The following TIMM17A variants were observed in gnomAD, a reference collection of about 807,000 sequenced individuals.
TIMM17A encodes mitochondrial import inner membrane translocase subunit Tim17-A.
TIMM17A carries 15 observed loss-of-function variants against 26.5 expected under a neutral mutation model. The ratio of observed to expected loss-of-function variants is 0.57; its 90% CI spans 0.38 to 0.87. TIMM17A has a LOEUF of 0.87. Ranked by LOEUF, TIMM17A falls within the 40% of genes least tolerant of loss-of-function variation. The pLI is 0.00. For synonymous variants in TIMM17A, 80 were observed against 70.8 expected (o/e 1.13, Z -0.66); for missense variants, 201 against 210.0 (o/e 0.96, Z 0.27).
intron 5 of TIMM17A, among the ~76,000 whole-genome samples, chr1:201,967,091 T>G (rs1473795863): frequency 6.7e-6 from 1 of 149,988 alleles, no homozygotes; most frequent in African/African-American, 2.5e-5. Context: ...CGTAGAATAG[T>G]GAGACATGTT....
intron 1 of TIMM17A, among the ~76,000 whole-genome samples, chr1:201,956,813 G>A (rs561839060): frequency 1.7e-4 from 26 of 151,970 alleles, no homozygotes; most frequent in East Asian, 1.2e-3. Flanking sequence ...AATATTAGCC[G>A]GGCGTGGTGG....
At position 201,969,967 on chromosome 1, in the gene TIMM17A, G is replaced by C. The variant is rs1022452020; in HGVS notation, c.*413G>C. ...TCTTTTAAGATAAGTTGTAGACTTCGATGTTTCATGCTCATGTACTTCAAA... is the reference window on the plus strand; with the variant it reads ...TCTTTTAAGATAAGTTGTAGACTTCCATGTTTCATGCTCATGTACTTCAAA... On this transcript the variant is annotated 3_prime_UTR_variant, in exon 6 of 6. Coordinates refer to ENST00000367287, the MANE Select transcript of TIMM17A (RefSeq NM_006335.3). 1 of 160,824 alleles carries C rather than the reference G, an allele frequency of 6.2e-6. No individual in the cohort carries two copies. Among genetic ancestry groups the C allele is most frequent in the African/African-American group, 2.4e-5 (1 of 41,482 alleles). 10.0% of individuals were successfully genotyped at this position (160,824 alleles called of 1,614,324 possible). A position where few individuals can be genotyped will look rare whatever the true frequency, so the allele number is the denominator to read the frequency against.
intron 3 of TIMM17A, among the ~76,000 whole-genome samples, chr1:201,958,655 C>T (rs1231530130): frequency 6.6e-6 from 1 of 152,194 alleles, no homozygotes; most frequent in Non-Finnish European, 1.5e-5. Flanking sequence ...GAGATTGCAC[C>T]ACTGCACTCC....
At position 201,955,535 on chromosome 1, in the gene TIMM17A, G is replaced by A. The variant is rs1232054472; in HGVS notation, c.9G>A (p.Glu3=). 4.3e-6 allele frequency: 7 copies of A among 1,614,146 alleles called. No individual in the cohort carries two copies. The highest frequency in any genetic ancestry group is 2.7e-5 in the African/African-American group (2 of 74,946). Residue 3 remains glutamate, a synonymous_variant, in exon 1 of 6, where the codon GAG becomes GAA. Transcript: ENST00000367287. ME[E]YAREPCPWRI... is the part of the protein sequence containing the mutation. ...GCGGCATTGGAGTCAAGATGGAGGA[G>A]TACGCGCGAGAGCCTTGGTGAGCTT...
At chr1:201,955,616 G>C in intron 1 of TIMM17A, 64 bp downstream of exon 1, 1 of 1,610,374 alleles carries the variant, frequency 6.2e-7, no homozygotes, top group Non-Finnish European at 8.5e-7. Flanking sequence ...CTTCTCCCTT[G>C]TCCAGGCTCC....
intron 3 of TIMM17A, among the ~76,000 whole-genome samples, chr1:201,959,480 C>G (rs1428095733): frequency 6.6e-6 from 1 of 151,684 alleles, no homozygotes; most frequent in Admixed American, 6.6e-5. Context: ...GTGGTGAAAC[C>G]CCATGTCTAC....
chr1:201,960,898 G>A (rs560086815), intron 3 of TIMM17A, among the ~76,000 whole-genome samples: 20 of 151,880 alleles, frequency 1.3e-4, no homozygotes, highest in African/African-American at 4.1e-4. Flanking sequence ...ATAGGCATGC[G>A]CCACCACAGC....
chr1:201,963,466 T>C (rs1396572309), intron 3 of TIMM17A, 150 bp from the exon 4 acceptor site: 2 of 731,120 alleles, frequency 2.7e-6, no homozygotes, highest in African/African-American at 1.8e-5. Flanking sequence ...ATTCTAACTC[T>C]TGTTCGGTGT....
intron 4 of TIMM17A, 123 bp from the exon 5 acceptor site, chr1:201,965,310 C>A: frequency 1.5e-6 from 1 of 682,816 alleles, no homozygotes; most frequent in Admixed American, 2.5e-5. Flanking sequence ...GGGTCTTAGG[C>A]AATAAGAAAG....
chr1:201,969,459 T>G lies in TIMM17A; in HGVS notation c.431-10T>G. On this transcript the variant is annotated splice_polypyrimidine_tract_variant and intron_variant, in intron 5 of 5. Transcript: ENST00000367287. ...GTGATTTTTAAATCCTTTTTATTTC[T>G]CACTTGCAGGTCCTCAGTTTGCAGA... 1 of 1,608,100 alleles carries G rather than the reference T, an allele frequency of 6.2e-7. No homozygotes were observed. The highest frequency in any genetic ancestry group is 8.5e-7 in the Non-Finnish European group (1 of 1,175,266).
intron 5 of TIMM17A, among the ~76,000 whole-genome samples, chr1:201,966,991 T>TGTGTGTGTGTGTGTG (rs1491350132): frequency 7.5e-6 from 1 of 133,100 alleles, no homozygotes; most frequent in Admixed American, 8.0e-5. Flanking sequence ...ATTATATATG[T>TGTGTGTGTGTGTGTG]TGTGTGTGTG....
chr1:201,959,837 C>A (rs1288571539), intron 3 of TIMM17A, among the ~76,000 whole-genome samples: 3 of 150,346 alleles, frequency 2.0e-5, no homozygotes, highest in Non-Finnish European at 3.0e-5. Context: ...CAAAAAAAAA[C>A]AACAACAAAA....
At position 201,969,494 on chromosome 1, in the gene TIMM17A, C is replaced by G. The variant is rs1442867883; in HGVS notation, c.456C>G (p.Ser152=). 6.2e-7 allele frequency: 1 copy of G among 1,613,792 alleles called. No individual in the cohort carries two copies. Among genetic ancestry groups the G allele is most frequent in the East Asian group, 2.2e-5 (1 of 44,846 alleles). ...PNGPQFAEDP[S]QLPSTQLPSS... is the part of the protein sequence containing the mutation. ...GTCCTCAGTTTGCAGAAGACCCCTC[C>G]CAGTTGCCTTCAACTCAGTTACCTT... is the stretch of plus-strand genomic sequence containing the variant. The change falls in exon 6 of 6, where the codon TCC becomes TCG. Residue 152 remains serine (S), a synonymous_variant. Transcript: ENST00000367287.
intron 5 of TIMM17A, among the ~76,000 whole-genome samples, chr1:201,968,206 T>G (rs1682670629): frequency 6.6e-6 from 1 of 151,548 alleles, no homozygotes; most frequent in African/African-American, 2.4e-5. Flanking sequence ...TTTCACCATA[T>G]TGGTCAGGCT....
intron 5 of TIMM17A, among the ~76,000 whole-genome samples, chr1:201,966,098 C>T (rs776910179): frequency 1.7e-4 from 26 of 152,104 alleles, no homozygotes; most frequent in South Asian, 4.1e-4. Flanking sequence ...TGTGTTAGCC[C>T]GGCTAATTTT....
intron 1 of TIMM17A, among the ~76,000 whole-genome samples, chr1:201,956,674 A>G (rs1459126701): frequency 1.3e-5 from 2 of 152,236 alleles, no homozygotes. Context: ...GATCTTAGAA[A>G]AATAAGGCCG....
chr1:201,958,782 C>T (rs1682473329), intron 3 of TIMM17A, among the ~76,000 whole-genome samples: 1 of 152,148 alleles, frequency 6.6e-6, no homozygotes, highest in South Asian at 2.1e-4. Context: ...TTCAGTCGTT[C>T]CTTAGATGTT....
chr1:201,957,203 A>G, intron 1 of TIMM17A, 78 bp from the exon 2 acceptor site: 1 of 925,764 alleles, frequency 1.1e-6, no homozygotes, highest in Non-Finnish European at 1.7e-6. Flanking sequence ...GTTCCATTAT[A>G]ATCCTTACTG....
intron 5 of TIMM17A, among the ~76,000 whole-genome samples, chr1:201,968,835 CTTCAGTTT>C (rs1251920569): frequency 6.6e-6 from 1 of 151,506 alleles, no homozygotes; most frequent in East Asian, 1.9e-4. Flanking sequence ...TTTTAGTCTA[CTTCAGTTT>C]TTCTTAAAGG....
Sources: allele counts gnomAD v4.1 joint callset (sites outside exome capture counted in the v4.1 genomes callset), GRCh38; gene constraint gnomAD v4.1.1; transcripts MANE v1.5; gene names NCBI Gene and HGNC (gene_info 2026-07-23, HGNC 2026-07-21).